Variants in PAK5 observed in about 807,000 individuals in gnomAD.
PAK5 encodes the protein serine/threonine-protein kinase PAK 5.
PAK5 carries 16 observed loss-of-function variants against 65.9 expected under a neutral mutation model. The observed-to-expected ratio is 0.24, with a 90% CI of 0.16 to 0.37. The LOEUF (loss-of-function observed/expected upper bound fraction) is 0.37. PAK5 is among the 10% of genes least tolerant of loss of function. The pLI is 1.00. For missense variants in PAK5, 785 were observed against 903.9 expected (o/e 0.87, Z 1.69); for synonymous variants, 371 against 354.9 (o/e 1.05, Z -0.51).
intron 3 of PAK5, among the ~76,000 whole-genome samples, chr20:9,627,029 T>C (rs1008338712): frequency 6.6e-6 from 1 of 152,226 alleles, no homozygotes; most frequent in South Asian, 2.1e-4. Context: ...AAGCTGCCTA[T>C]GATGAATACT....
chr20:9,585,500 G>A (rs1295167080), intron 3 of PAK5, among the ~76,000 whole-genome samples: 1 of 152,164 alleles, frequency 6.6e-6, no homozygotes, highest in Non-Finnish European at 1.5e-5. Context: ...TTGGCCATTG[G>A]TCATTGTGGT....
At chr20:9,624,304 C>T (rs1172726159) in intron 3 of PAK5, among the ~76,000 whole-genome samples, 2 of 152,118 alleles carry the variant, frequency 1.3e-5, no homozygotes, top group Non-Finnish European at 1.5e-5. Flanking sequence ...ATCTCAGTCA[C>T]TGACATACTC....
chr20:9,569,889 A>G (rs111574110), intron 4 of PAK5, among the ~76,000 whole-genome samples: 3 of 150,886 alleles, frequency 2.0e-5, no homozygotes, highest in African/African-American at 7.5e-5. Flanking sequence ...CACCACTCAG[A>G]CAGCCTTGGC....
At chr20:9,775,275 AAAAG>A (rs1415085027) in intron 1 of PAK5, among the ~76,000 whole-genome samples, 1 of 152,274 alleles carries the variant, frequency 6.6e-6, no homozygotes, top group Non-Finnish European at 1.5e-5. Context: ...AAGGGGAAAA[AAAAG>A]AGCTGCGTCG....
At chr20:9,691,370 G>T (rs2047795146) in intron 2 of PAK5, among the ~76,000 whole-genome samples, 1 of 152,086 alleles carries the variant, frequency 6.6e-6, no homozygotes, top group African/African-American at 2.4e-5. Context: ...AAGAAAAGTT[G>T]TTATTAGAAT....
chr20:9,752,034 T>C (rs1263356602), intron 1 of PAK5, among the ~76,000 whole-genome samples: 2 of 152,114 alleles, frequency 1.3e-5, no homozygotes, highest in Non-Finnish European at 2.9e-5. Context: ...GTGGAAGAGA[T>C]TGGCAATAAC....
intron 1 of PAK5, among the ~76,000 whole-genome samples, chr20:9,740,991 C>A (rs369863923): frequency 1.3e-5 from 2 of 152,296 alleles, no homozygotes; most frequent in Non-Finnish European, 2.9e-5. Context: ...CTTGGGCTGA[C>A]CCATCAAAAT....
intron 2 of PAK5, among the ~76,000 whole-genome samples, chr20:9,710,634 A>G (rs922963434): frequency 6.6e-6 from 1 of 152,192 alleles, no homozygotes; most frequent in African/African-American, 2.4e-5. Context: ...TGTGGGGGGT[A>G]GTAGCGACCC....
chr20:9,721,653 C>CAA (rs144378083), intron 1 of PAK5, among the ~76,000 whole-genome samples: 8 of 65,552 alleles, frequency 1.2e-4, no homozygotes, highest in African/African-American at 1.9e-4. Flanking sequence ...GACTCCATCT[C>CAA]AAAAAAAAAA....
At chr20:9,613,110 G>C (rs2046594336) in intron 3 of PAK5, among the ~76,000 whole-genome samples, 1 of 152,208 alleles carries the variant, frequency 6.6e-6, no homozygotes, top group Non-Finnish European at 1.5e-5. Context: ...AAATGAATGA[G>C]TGTGGTTGTA....
At chr20:9,721,252 C>A (rs1600286416) in intron 1 of PAK5, among the ~76,000 whole-genome samples, 1 of 152,212 alleles carries the variant, frequency 6.6e-6, no homozygotes, top group Admixed American at 6.5e-5. Context: ...GGCTCCTCTT[C>A]CCGTGGCTCA....
intron 1 of PAK5, among the ~76,000 whole-genome samples, chr20:9,799,939 C>CAAAAAAAAAAAAAAAAAAAAAAAA (rs71331383): frequency 2.3e-5 from 1 of 43,668 alleles, no homozygotes; most frequent in African/African-American, 7.2e-5. Flanking sequence ...ACTCTGTCTC[C>CAAAAAAAAAAAAAAAAAAAAAAAA]AAAAAAAAAA....
intron 2 of PAK5, among the ~76,000 whole-genome samples, chr20:9,646,721 C>A (rs1345467590): frequency 6.6e-6 from 1 of 152,174 alleles, no homozygotes; most frequent in Non-Finnish European, 1.5e-5. Context: ...AAATATGACA[C>A]CAATACGCAC....
intron 1 of PAK5, among the ~76,000 whole-genome samples, chr20:9,769,074 T>A (rs1200069652): frequency 1.3e-5 from 2 of 152,156 alleles, no homozygotes; most frequent in Non-Finnish European, 2.9e-5. Context: ...ATGACAAGCA[T>A]CCCTTTAACA....
intron 1 of PAK5, among the ~76,000 whole-genome samples, chr20:9,776,435 G>C (rs1444165720): frequency 6.6e-6 from 1 of 152,152 alleles, no homozygotes. Flanking sequence ...GAGTATGGTG[G>C]CTTTAAGTTA....
intron 1 of PAK5, among the ~76,000 whole-genome samples, chr20:9,717,062 G>A (rs957307253): frequency 4.0e-5 from 6 of 150,002 alleles, no homozygotes; most frequent in African/African-American, 1.5e-4. Flanking sequence ...TCCAGCCTGG[G>A]TGACGGAGCC....
Position 9,668,615 on chromosome 20 carries a change from G to A in PAK5, c.-11-24276C>T, listed in dbSNP as rs149984495. 3.9e-5 allele frequency among the ~76,000 whole-genome samples: 6 copies of A among 152,274 alleles called. No homozygotes were observed. The South Asian group carries it at 6.2e-4, about 16-fold the overall frequency. Reference sequence around the variant, plus strand: ...TGGAAAGGGAACCTGTGAATTTTACGAGAGCATAACACTGAGAACGAGAAC... The same window carrying A: ...TGGAAAGGGAACCTGTGAATTTTACAAGAGCATAACACTGAGAACGAGAAC... On this transcript the variant is annotated intron_variant, in intron 2 of 9. Transcript: ENST00000353224.
chr20:9,762,387 A>C (rs1224066295), intron 1 of PAK5, among the ~76,000 whole-genome samples: 1 of 152,172 alleles, frequency 6.6e-6, no homozygotes, highest in Non-Finnish European at 1.5e-5. Context: ...AATATCCAAA[A>C]TCTATAACAA....
chr20:9,794,362 GC>G (rs1224570232), intron 1 of PAK5, among the ~76,000 whole-genome samples: 1 of 151,678 alleles, frequency 6.6e-6, no homozygotes, highest in Non-Finnish European at 1.5e-5. Context: ...TTTAAAACAA[GC>G]AAAAAAGGCA....
Sources: allele counts gnomAD v4.1 joint callset (sites outside exome capture counted in the v4.1 genomes callset), GRCh38; gene constraint gnomAD v4.1.1; transcripts MANE v1.5; gene names NCBI Gene and HGNC (gene_info 2026-07-23, HGNC 2026-07-21).